The following BABAM2 variants were observed in gnomAD, a reference collection of about 807,000 sequenced individuals.
BABAM2 encodes BRISC and BRCA1 A complex member 2.
BABAM2 carries 31 observed loss-of-function variants against 54.7 expected under a neutral mutation model. The ratio of observed to expected loss-of-function variants is 0.57; its 90% CI spans 0.43 to 0.77. The LOEUF is 0.77. Among genes scored for constraint, BABAM2 ranks in the 30% least tolerant of loss-of-function variants. The pLI is 0.00. For missense variants in BABAM2, 364 were observed against 455.8 expected (o/e 0.80, Z 1.83); for synonymous variants, 167 against 162.9 (o/e 1.03, Z -0.19).
In BABAM2 at chr2:28,249,087, G is replaced by GTT. The variant is rs367887351; in HGVS notation, c.934+4241_934+4242dup. Reference sequence around the variant, plus strand: ...TAGCTTTTTGTTTGTTTGTTTGCTTGTTTTTTTTTTTTTTTTTGGAAACAG... The same window carrying GTT: ...TAGCTTTTTGTTTGTTTGTTTGCTTGTTTTTTTTTTTTTTTTTTTGGAAACAG... On this transcript the variant is annotated intron_variant, in intron 10 of 11. Transcript: ENST00000379624. 2.5e-4 allele frequency among the ~76,000 whole-genome samples: 33 copies of GTT among 129,582 alleles called. No individual in the cohort carries two copies. The East Asian group carries it at 4.1e-3, about 16-fold the overall frequency. 85.0% of individuals were successfully genotyped at this position (129,582 alleles called of 152,430 possible).
rs1372412749 is a variant in BABAM2 at position 27,891,490 on chromosome 2, T to G, written c.-25+648T>G. Among the ~76,000 whole-genome samples the G allele has an allele frequency of 3.3e-5, 5 of 152,128 alleles. No homozygotes were observed. In the East Asian group the frequency reaches 9.6e-4, roughly 29 times the overall value. On this transcript the variant is annotated intron_variant, in intron 1 of 11. Coordinates refer to ENST00000379624, the MANE Select transcript of BABAM2 (RefSeq NM_199191.3). Reference sequence around the variant, plus strand: ...ATTTTCCTTTTGCAATACGTCAAAATCAGGAAATACAAATTGCAGTAGTAG... The same window carrying G: ...ATTTTCCTTTTGCAATACGTCAAAAGCAGGAAATACAAATTGCAGTAGTAG...
At chr2:28,189,720 G>A (rs1676698622) in intron 7 of BABAM2, among the ~76,000 whole-genome samples, 1 of 151,820 alleles carries the variant, frequency 6.6e-6, no homozygotes, top group South Asian at 2.1e-4. Flanking sequence ...TTGATCTATA[G>A]ATCTACAGAT....
chr2:28,030,740 A>G, intron 5 of BABAM2, among the ~76,000 whole-genome samples: 1 of 152,174 alleles, frequency 6.6e-6, no homozygotes, highest in East Asian at 1.9e-4. Context: ...GCTGCTGTAA[A>G]AATTACCACA....
intron 4 of BABAM2, among the ~76,000 whole-genome samples, chr2:28,002,175 T>G (rs1673624138): frequency 6.6e-6 from 1 of 152,192 alleles, no homozygotes; most frequent in Non-Finnish European, 1.5e-5. Context: ...GGCTTTGCTC[T>G]GCCTTCTGCT....
chr2:28,067,378 A>G (rs1309975936), intron 6 of BABAM2, among the ~76,000 whole-genome samples: 1 of 152,222 alleles, frequency 6.6e-6, no homozygotes, highest in African/African-American at 2.4e-5. Context: ...CATCAATTTT[A>G]TACCACGGTC....
chr2:27,927,423 C>T (rs988934278), intron 2 of BABAM2, among the ~76,000 whole-genome samples: 1 of 152,140 alleles, frequency 6.6e-6, no homozygotes, highest in Non-Finnish European at 1.5e-5. Context: ...AAATTTAAAG[C>T]ATTGCAGTTG....
chr2:28,156,395 T>G (rs1672548004), intron 7 of BABAM2, among the ~76,000 whole-genome samples: 1 of 152,214 alleles, frequency 6.6e-6, no homozygotes, highest in African/African-American at 2.4e-5. Flanking sequence ...CTTGAGACCA[T>G]GTATTATTTA....
At chr2:28,215,767 G>A (rs1477005687) in intron 7 of BABAM2, among the ~76,000 whole-genome samples, 1 of 152,056 alleles carries the variant, frequency 6.6e-6, no homozygotes, top group Non-Finnish European at 1.5e-5. Flanking sequence ...CTGCCCCTCT[G>A]CTTCTTTCTG....
chr2:28,301,348 G>A (rs1194373371), intron 11 of BABAM2, among the ~76,000 whole-genome samples: 1 of 152,154 alleles, frequency 6.6e-6, no homozygotes, highest in African/African-American at 2.4e-5. Context: ...CTTTCTCATG[G>A]CTGTCTAGCA....
At chr2:28,040,611 T>C (rs904293513) in intron 5 of BABAM2, among the ~76,000 whole-genome samples, 1 of 151,614 alleles carries the variant, frequency 6.6e-6, no homozygotes, top group Non-Finnish European at 1.5e-5. Context: ...AAAAACTGAA[T>C]TCTTGAGTCT....
intron 6 of BABAM2, among the ~76,000 whole-genome samples, chr2:28,063,252 G>C (rs983943075): frequency 3.3e-5 from 5 of 152,102 alleles, no homozygotes; most frequent in African/African-American, 4.8e-5. Flanking sequence ...TCATCACGTG[G>C]GAAAAGACTC....
At chr2:27,966,755 T>C (rs1156971157) in intron 3 of BABAM2, among the ~76,000 whole-genome samples, 1 of 152,258 alleles carries the variant, frequency 6.6e-6, no homozygotes, top group Non-Finnish European at 1.5e-5. Flanking sequence ...CTATGCTTTT[T>C]GTTTGATTAA....
At chr2:28,138,737 C>G (rs1440513734) in intron 7 of BABAM2, among the ~76,000 whole-genome samples, 1 of 152,058 alleles carries the variant, frequency 6.6e-6, no homozygotes, top group African/African-American at 2.4e-5. Context: ...GCCATGAAAC[C>G]CAGGCATCCT....
chr2:28,095,528 G>C (rs549010618), intron 6 of BABAM2, among the ~76,000 whole-genome samples: 1 of 152,130 alleles, frequency 6.6e-6, no homozygotes, highest in East Asian at 1.9e-4. Flanking sequence ...TCATAGTCCA[G>C]TACTCATTAT....
chr2:28,260,380 C>G (rs1257187057), intron 10 of BABAM2, among the ~76,000 whole-genome samples: 1 of 146,016 alleles, frequency 6.8e-6, no homozygotes, highest in African/African-American at 2.6e-5. Context: ...TGGTTCACTG[C>G]AACCTCTGCC....
chr2:28,118,571 GT>G (rs1558354311), intron 6 of BABAM2, among the ~76,000 whole-genome samples: 2 of 151,298 alleles, frequency 1.3e-5, no homozygotes, highest in Admixed American at 1.3e-4. Context: ...AGGGTTGTTT[GT>G]TTTTTTTCTT....
chr2:28,184,494 A>G (rs1676061291), intron 7 of BABAM2, among the ~76,000 whole-genome samples: 1 of 119,950 alleles, frequency 8.3e-6, no homozygotes. Flanking sequence ...CCACCCCATG[A>G]CAGGCCCCGG....
chr2:27,908,211 C>A (rs1666323168), intron 2 of BABAM2, among the ~76,000 whole-genome samples: 1 of 152,066 alleles, frequency 6.6e-6, no homozygotes, highest in Non-Finnish European at 1.5e-5. Flanking sequence ...AGAATTGAAC[C>A]TGTCACATGG....
chr2:28,261,760 C>T (rs1684557731), intron 10 of BABAM2, among the ~76,000 whole-genome samples: 2 of 150,060 alleles, frequency 1.3e-5, no homozygotes, highest in African/African-American at 4.9e-5. Context: ...CCTCCCCTCT[C>T]CTCCTTTCCC....
Sources: allele counts gnomAD v4.1 joint callset (sites outside exome capture counted in the v4.1 genomes callset), GRCh38; gene constraint gnomAD v4.1.1; transcripts MANE v1.5; gene names NCBI Gene and HGNC (gene_info 2026-07-23, HGNC 2026-07-21).